INTS3: variants seen among roughly 807,000 people sequenced by gnomAD.
INTS3 encodes integrator complex subunit 3.
In INTS3, 34 loss-of-function variants were observed where a neutral mutation model predicts 146.3. That is an observed-to-expected ratio of 0.23 (90% CI 0.18 to 0.31). The LOEUF (loss-of-function observed/expected upper bound fraction) is 0.31. Among genes scored for constraint, INTS3 ranks in the 10% least tolerant of loss-of-function variants. INTS3 has a pLI of 1.00. For missense variants in INTS3, 757 were observed against 1,304.2 expected, an observed-to-expected ratio of 0.58 and a Z score of 6.46; for synonymous variants, 475 against 494.9, an observed-to-expected ratio of 0.96 and a Z score of 0.53.
intron 9 of INTS3, among the ~76,000 whole-genome samples, chr1:153,756,953 C>T (rs1357374294): frequency 2.0e-5 from 3 of 151,976 alleles, no homozygotes; most frequent in African/African-American, 7.3e-5. Context: ...GTTTTTTTAC[C>T]TTTTTGCTTT....
intron 1 of INTS3, among the ~76,000 whole-genome samples, chr1:153,737,215 G>A (rs1315094671): frequency 6.6e-6 from 1 of 152,182 alleles, no homozygotes; most frequent in Non-Finnish European, 1.5e-5. Context: ...TCTTTTGCCA[G>A]AATCATTATC....
In INTS3 at chr1:153,728,055, C is replaced by T. The variant is rs935337434; in HGVS notation, c.-580C>T. The T allele has an allele frequency of 7.0e-6, 1 of 142,614 alleles. No individual in the cohort carries two copies. The highest frequency in any genetic ancestry group is 2.9e-5 in the African/African-American group (1 of 34,414). 8.8% of individuals were successfully genotyped at this position (142,614 alleles called of 1,614,324 possible). ...CTCCCCCTCCCCCGCCCTCCGCCTT[C>T]CCACCCCCCGCCCTTCCACTATGGC... On this transcript the variant is annotated 5_prime_UTR_variant, in exon 1 of 30. Coordinates refer to ENST00000318967, the MANE Select transcript of INTS3 (RefSeq NM_023015.5).
intron 3 of INTS3, among the ~76,000 whole-genome samples, chr1:153,746,673 T>C (rs1671756804): frequency 6.6e-6 from 1 of 151,598 alleles, no homozygotes; most frequent in Non-Finnish European, 1.5e-5. Flanking sequence ...AGTGCTGGGA[T>C]TACAGGCGTG....
rs373975950 is a variant in INTS3, at chr1:153,772,682, A to G, written c.2865A>G (p.Gln955=). ...TPILQALQHV[Q]ASCDEAHKMK... Reference sequence around the variant, plus strand: ...TTCTCCAGGCGCTGCAGCATGTCCAAGCGAGCTGTGACGAAGCCCACAAGA... The same window carrying G: ...TTCTCCAGGCGCTGCAGCATGTCCAGGCGAGCTGTGACGAAGCCCACAAGA... The change falls in exon 28 of 30, where the codon CAA becomes CAG. Residue 955 remains glutamine (Q), a synonymous_variant. Coordinates refer to ENST00000318967, the MANE Select transcript of INTS3 (RefSeq NM_023015.5). This position sits in a 1 kb window ranked among gnomAD's most constrained non-coding sequence, Gnocchi z 4.6. 7.2e-5 allele frequency: 116 copies of G among 1,614,050 alleles called. No individual in the cohort carries two copies. Among genetic ancestry groups the G allele is most frequent in the Non-Finnish European group, 9.4e-5 (111 of 1,180,016 alleles).
chr1:153,751,083 T>A lies in INTS3; in HGVS notation c.585-12T>A. The A allele has an allele frequency of 6.2e-7, 1 of 1,613,830 alleles. No homozygotes were observed. Among genetic ancestry groups the A allele is most frequent in the South Asian group, 1.1e-5 (1 of 91,060 alleles). On this transcript the variant is annotated splice_polypyrimidine_tract_variant and intron_variant, in intron 6 of 29. Transcript: ENST00000318967. ...GACAGAGCATAGGAGCCAGTGTGTT[T>A]CCTCCCTGCAGGGAGTGGGTCCTGA...
chr1:153,748,704 C>G lies in INTS3; in HGVS notation c.533C>G (p.Ala178Gly), dbSNP rs1175940328. The G allele has an allele frequency of 3.0e-5, 48 of 1,613,852 alleles. No homozygotes were observed. The highest frequency in any genetic ancestry group is 5.3e-5 in the African/African-American group (4 of 74,874). Residue 178 changes from alanine to glycine, a missense_variant, in exon 6 of 30, where the codon GCC becomes GGC. Ala to Gly is a moderately conservative substitution (Grantham distance 60). Around this residue, in one of 8 missense-constraint regions of INTS3, gnomAD observed 134 missense variants for 243.1 expected, o/e 0.55. Transcript: ENST00000318967. ...TTGAAATCAGGTGGAGATGTTACAG[C>G]CAAAAATATCTGGTTGGCAGAAAGT... ...MKQIAGGDVTAKNIWLAESVL... is the reference protein window; with the variant it reads ...MKQIAGGDVTGKNIWLAESVL...
At chr1:153,744,994 C>G (rs575933873) in intron 3 of INTS3, among the ~76,000 whole-genome samples, 2 of 152,094 alleles carry the variant, frequency 1.3e-5, no homozygotes, top group South Asian at 4.2e-4. Flanking sequence ...TTTAAGCTCT[C>G]CATGCCTATT....
At chr1:153,770,134 G>GTGT (rs1443578994) in intron 23 of INTS3, 64 bp from the exon 24 acceptor site, 3 of 411,390 alleles carry the variant, frequency 7.3e-6, no homozygotes, top group Non-Finnish European at 4.2e-6. Flanking sequence ...GGGTGGGGGG[G>GTGT]GTGTGTGTGT....
At chr1:153,773,154 A>G in intron 29 of INTS3, 39 bp from the exon 30 acceptor site, 1 of 1,613,632 alleles carries the variant, frequency 6.2e-7, no homozygotes, top group Non-Finnish European at 8.5e-7. Flanking sequence ...GCAGCTGCCC[A>G]GGCTGTTAAC....
chr1:153,742,478 C>CTCTGTGTGTGTG (rs146023592), intron 3 of INTS3, among the ~76,000 whole-genome samples: 11 of 147,436 alleles, frequency 7.5e-5, no homozygotes, highest in African/African-American at 2.3e-4. Context: ...TTTTTAATCT[C>CTCTGTGTGTGTG]TGTGTGTGTG....
At chr1:153,759,809 C>T in intron 11 of INTS3, 196 bp downstream of exon 11, 1 of 589,480 alleles carries the variant, frequency 1.7e-6, no homozygotes, top group Non-Finnish European at 3.0e-6. Context: ...CATCACTGTA[C>T]CTCCTCCCCA....
At chr1:153,769,956 G>A in intron 23 of INTS3, 112 bp downstream of exon 23, 1 of 828,726 alleles carries the variant, frequency 1.2e-6, no homozygotes, top group Admixed American at 1.9e-5. Flanking sequence ...GTTAAGGGGA[G>A]AGAATTGTAC....
chr1:153,756,754 C>T (rs1033826038), intron 9 of INTS3, among the ~76,000 whole-genome samples: 1 of 151,254 alleles, frequency 6.6e-6, no homozygotes, highest in African/African-American at 2.4e-5. Context: ...AGACAGAGGT[C>T]GTAGTGAACT....
At chr1:153,760,487 T>G in intron 12 of INTS3, 97 bp downstream of exon 12, 1 of 1,023,482 alleles carries the variant, frequency 9.8e-7, no homozygotes, top group Non-Finnish European at 1.5e-6. Flanking sequence ...TCGGTATGCC[T>G]TGACTGAGAG....
chr1:153,759,294 C>T (rs987104899), intron 10 of INTS3, among the ~76,000 whole-genome samples: 1 of 149,674 alleles, frequency 6.7e-6, no homozygotes, highest in Non-Finnish European at 1.5e-5. Flanking sequence ...AAAAAAGGTT[C>T]GGGGGGTACC....
At chr1:153,765,102 C>A in intron 20 of INTS3, 39 bp downstream of exon 20, 1 of 1,610,058 alleles carries the variant, frequency 6.2e-7, no homozygotes, top group Non-Finnish European at 8.5e-7. Flanking sequence ...TGTCAGGACA[C>A]ATCCTGGAGA....
At chr1:153,761,739 G>A in intron 14 of INTS3, 63 bp downstream of exon 14, 2 of 1,095,544 alleles carry the variant, frequency 1.8e-6, no homozygotes, top group Non-Finnish European at 2.8e-6. Flanking sequence ...AGGCCTTCAG[G>A]CCAGAGCCCC....
intron 6 of INTS3, 51 bp from the exon 7 acceptor site, chr1:153,751,044 G>A: frequency 6.4e-7 from 1 of 1,569,160 alleles, no homozygotes; most frequent in Non-Finnish European, 8.7e-7. Flanking sequence ...GAATTGGGAG[G>A]GTGAATAGTT....
At chr1:153,741,398 C>T in intron 3 of INTS3, 30 bp downstream of exon 3, 1 of 1,483,476 alleles carries the variant, frequency 6.7e-7, no homozygotes. Context: ...ACCCATAAAC[C>T]CTCCTCATAT....
Sources: gnomAD v4.1 joint callset for allele counts (sites outside exome capture counted in the v4.1 genomes callset) on GRCh38, gnomAD v4.1.1 for gene constraint, gnomAD v4.1.1 regional missense constraint, Gnocchi (gnomAD v3.1) non-coding constraint, MANE v1.5 for transcripts, NCBI Gene and HGNC (gene_info 2026-07-23, HGNC 2026-07-21) for gene names.